CCDC91: variants seen among roughly 807,000 people sequenced by gnomAD.
CCDC91 encodes coiled-coil domain containing 91, also known as coiled-coil domain-containing protein 91.
CCDC91 carries 48 observed loss-of-function variants against 63.2 expected under a neutral mutation model. That is an observed-to-expected ratio of 0.76 (90% CI 0.60 to 0.97). CCDC91 has a LOEUF of 0.97. CCDC91 is among the 50% of genes least tolerant of loss of function. CCDC91 has a pLI of 0.00. For missense variants in CCDC91, 500 were observed against 494.6 expected (o/e 1.01, Z -0.10); for synonymous variants, 167 against 165.8 (o/e 1.01, Z -0.06).
intron 8 of CCDC91, among the ~76,000 whole-genome samples, chr12:28,413,449 A>G (rs1947445777): frequency 6.6e-6 from 1 of 152,082 alleles, no homozygotes; most frequent in Non-Finnish European, 1.5e-5. Context: ...CTTAACTAAT[A>G]TTTGTTTTTG....
intron 7 of CCDC91, among the ~76,000 whole-genome samples, chr12:28,371,202 G>A (rs534743169): frequency 3.8e-4 from 58 of 152,240 alleles, no homozygotes; most frequent in Admixed American, 1.4e-3. Flanking sequence ...TTCGTGGCCT[G>A]TTAGGAACTG....
intron 12 of CCDC91, among the ~76,000 whole-genome samples, chr12:28,501,106 G>T (rs1380400609): frequency 6.6e-6 from 1 of 151,684 alleles, no homozygotes; most frequent in Non-Finnish European, 1.5e-5. Flanking sequence ...TTATACAAAT[G>T]GTGATGTAGC....
chr12:28,249,186 A>G (rs1432871889), intron 1 of CCDC91, among the ~76,000 whole-genome samples: 1 of 152,216 alleles, frequency 6.6e-6, no homozygotes, highest in Non-Finnish European at 1.5e-5. Flanking sequence ...ATAACTTTAA[A>G]GAAATACTGG....
At chr12:28,461,254 A>G (rs1021596388) in intron 11 of CCDC91, among the ~76,000 whole-genome samples, 4 of 152,080 alleles carry the variant, frequency 2.6e-5, no homozygotes, top group African/African-American at 9.7e-5. Flanking sequence ...ATCTAGCAAA[A>G]TGTGCATCGT....
At chr12:28,373,137 C>T (rs1019084729) in intron 7 of CCDC91, among the ~76,000 whole-genome samples, 6 of 151,998 alleles carry the variant, frequency 3.9e-5, no homozygotes, top group Non-Finnish European at 7.4e-5. Context: ...AGTTTTTGTT[C>T]GTTGATTTTA....
intron 11 of CCDC91, among the ~76,000 whole-genome samples, chr12:28,457,405 A>T (rs1364434881): frequency 2.0e-5 from 3 of 151,252 alleles, no homozygotes; most frequent in Non-Finnish European, 4.4e-5. Flanking sequence ...ACTAAAAAGC[A>T]ACCATAATTA....
intron 6 of CCDC91, among the ~76,000 whole-genome samples, chr12:28,310,959 C>T (rs11611382): frequency 0.42 from 63,270 of 151,860 alleles, 13,480 homozygotes; most frequent in Middle Eastern, 0.5. Flanking sequence ...TTTTCTGATT[C>T]TTAGTATGAT....
At chr12:28,262,912 G>A (rs1489768191) in intron 3 of CCDC91, among the ~76,000 whole-genome samples, 1 of 151,934 alleles carries the variant, frequency 6.6e-6, no homozygotes, top group African/African-American at 2.4e-5. Flanking sequence ...GAGAAGAACT[G>A]CCTTTCTTTA....
intron 1 of CCDC91, among the ~76,000 whole-genome samples, chr12:28,191,630 T>C (rs1467763931): frequency 1.3e-5 from 2 of 150,758 alleles, no homozygotes; most frequent in Non-Finnish European, 3.0e-5. Context: ...AGGCAACCCT[T>C]CCCCCCCCCA....
At chr12:28,229,097 A>G (rs931899129) in intron 1 of CCDC91, among the ~76,000 whole-genome samples, 5 of 151,952 alleles carry the variant, frequency 3.3e-5, no homozygotes, top group African/African-American at 1.2e-4. Context: ...GGCCACCTAT[A>G]TATGTAATCA....
At chr12:28,528,097 C>T (rs1592964865) in intron 12 of CCDC91, among the ~76,000 whole-genome samples, 1 of 152,198 alleles carries the variant, frequency 6.6e-6, no homozygotes, top group South Asian at 2.1e-4. Context: ...GATTCATGCC[C>T]TCTTCAGAGT....
chr12:28,259,029 A>T (rs1430416192), intron 2 of CCDC91, among the ~76,000 whole-genome samples: 1 of 151,996 alleles, frequency 6.6e-6, no homozygotes, highest in South Asian at 2.1e-4. Context: ...TCCTACATAG[A>T]TGGTTAAATG....
chr12:28,233,390 A>G (rs1388773477), intron 1 of CCDC91, among the ~76,000 whole-genome samples: 2 of 152,108 alleles, frequency 1.3e-5, no homozygotes, highest in Non-Finnish European at 2.9e-5. Flanking sequence ...TGTTTTTGAT[A>G]TTTATTATAT....
chr12:28,276,962 C>T (rs1948270848), intron 3 of CCDC91, among the ~76,000 whole-genome samples: 1 of 151,824 alleles, frequency 6.6e-6, no homozygotes, highest in Non-Finnish European at 1.5e-5. Context: ...GTTTTGCTTA[C>T]CTGCTAAGAC....
intron 11 of CCDC91, among the ~76,000 whole-genome samples, chr12:28,473,628 A>G (rs902385041): frequency 6.6e-6 from 1 of 152,124 alleles, no homozygotes; most frequent in Non-Finnish European, 1.5e-5. Flanking sequence ...CAGACTATTC[A>G]TAGAGCCTAA....
intron 1 of CCDC91, among the ~76,000 whole-genome samples, chr12:28,218,735 A>ATGTG (rs1218093389): frequency 6.7e-6 from 1 of 148,570 alleles, no homozygotes; most frequent in Non-Finnish European, 1.5e-5. Flanking sequence ...GTGTGTATGT[A>ATGTG]TGTATGTGTG....
At position 28,506,962 on chromosome 12, in the gene CCDC91, C is replaced by G. The variant is rs186979891; in HGVS notation, c.1215+22797C>G. On this transcript the variant is annotated intron_variant, in intron 12 of 12. Coordinates refer to ENST00000536442, the MANE Select transcript of CCDC91 (RefSeq NM_018318.5). ...AAACGTAGACATTCTTTATGGGAAT[C>G]AAGCTTTGGGAATAAAAGTTGTGTA... Among the ~76,000 whole-genome samples the G allele has an allele frequency of 1.2e-3, 178 of 151,770 alleles. 1 individual carries two copies. The highest frequency in any genetic ancestry group is 4.2e-3 in the African/African-American group (173 of 41,464).
chr12:28,202,824 C>T (rs1329013126), intron 1 of CCDC91, among the ~76,000 whole-genome samples: 1 of 152,216 alleles, frequency 6.6e-6, no homozygotes, highest in Non-Finnish European at 1.5e-5. Flanking sequence ...CATTACCTAG[C>T]TTTTCCTTTT....
intron 11 of CCDC91, among the ~76,000 whole-genome samples, chr12:28,454,490 C>G (rs59879751): frequency 6.6e-6 from 1 of 152,052 alleles, no homozygotes; most frequent in East Asian, 1.9e-4. Flanking sequence ...ACTTTGGACA[C>G]GTAGTCCAGC....
Sources: allele counts gnomAD v4.1 joint callset (sites outside exome capture counted in the v4.1 genomes callset), GRCh38; gene constraint gnomAD v4.1.1; transcripts MANE v1.5; gene names NCBI Gene and HGNC (gene_info 2026-07-23, HGNC 2026-07-21).